The following CDH10 variants were observed in gnomAD, a reference collection of about 807,000 sequenced individuals.
CDH10 encodes cadherin-10.
In CDH10, 30 loss-of-function variants were observed where a neutral mutation model predicts 73.1. The observed-to-expected ratio is 0.41, with a 90% CI of 0.31 to 0.56. The LOEUF is 0.56. Among genes scored for constraint, CDH10 ranks in the 20% least tolerant of loss-of-function variants. The pLI is 0.27. For missense variants in CDH10, 815 were observed against 973.7 expected, an observed-to-expected ratio of 0.84 and a Z score of 2.17; for synonymous variants, 345 against 348.2, an observed-to-expected ratio of 0.99 and a Z score of 0.10.
At chr5:24,511,535 AAGAGAGAGACAGAGAGAGAG>A in intron 5 of CDH10, 21 bp from the exon 6 acceptor site, 1 of 845,528 alleles carries the variant, frequency 1.2e-6, no homozygotes, top group Non-Finnish European at 1.9e-6. Flanking sequence ...TAAAGAAAAG[AAGAGAGAGACAGAGAGAGAG>A]AGAGAGAGAG....
At chr5:24,548,269 A>G (rs1744412964) in intron 2 of CDH10, among the ~76,000 whole-genome samples, 1 of 151,962 alleles carries the variant, frequency 6.6e-6, no homozygotes, top group South Asian at 2.1e-4. Flanking sequence ...CTGGGATTAC[A>G]GGCACCTGCC....
At chr5:24,614,980 G>A (rs1222319056) in intron 1 of CDH10, among the ~76,000 whole-genome samples, 1 of 152,144 alleles carries the variant, frequency 6.6e-6, no homozygotes, top group African/African-American at 2.4e-5. Context: ...TCAAGCACCA[G>A]GAGCATCTAC....
chr5:24,556,505 A>C (rs2111972481), intron 2 of CDH10, among the ~76,000 whole-genome samples: 1 of 152,010 alleles, frequency 6.6e-6, no homozygotes, highest in African/African-American at 2.4e-5. Flanking sequence ...AAAATATTTT[A>C]AACATTTTTT....
intron 2 of CDH10, among the ~76,000 whole-genome samples, chr5:24,552,651 T>C (rs1744589795): frequency 6.6e-6 from 1 of 152,124 alleles, no homozygotes; most frequent in African/African-American, 2.4e-5. Flanking sequence ...AGAACTGATA[T>C]TAGTTCTATT....
intron 2 of CDH10, among the ~76,000 whole-genome samples, chr5:24,557,697 A>G (rs2111976365): frequency 6.6e-6 from 1 of 151,944 alleles, no homozygotes; most frequent in East Asian, 1.9e-4. Flanking sequence ...ACCAGTAAGC[A>G]TCTGTGTCTA....
At chr5:24,545,565 G>T (rs1035930434) in intron 2 of CDH10, among the ~76,000 whole-genome samples, 1 of 151,982 alleles carries the variant, frequency 6.6e-6, no homozygotes, top group African/African-American at 2.4e-5. Flanking sequence ...CTATAATCTC[G>T]GTGCTTTGGG....
intron 5 of CDH10, among the ~76,000 whole-genome samples, chr5:24,518,883 A>ATT (rs1218178947): frequency 1.3e-5 from 1 of 78,998 alleles, no homozygotes; most frequent in African/African-American, 4.4e-5. Context: ...TGACATGTGC[A>ATT]CTTTTTTTTT....
At chr5:24,591,152 TTA>T (rs1374316279) in intron 2 of CDH10, among the ~76,000 whole-genome samples, 2 of 152,094 alleles carry the variant, frequency 1.3e-5, no homozygotes, top group Admixed American at 6.6e-5. Flanking sequence ...ATGTGTATGT[TTA>T]TCTCTTAAAT....
At chr5:24,499,120 T>C (rs1205477697) in intron 8 of CDH10, among the ~76,000 whole-genome samples, 3 of 152,200 alleles carry the variant, frequency 2.0e-5, no homozygotes, top group Admixed American at 1.3e-4. Context: ...ATCACCAAAA[T>C]GTATTTCAAC....
intron 2 of CDH10, among the ~76,000 whole-genome samples, chr5:24,560,498 G>A (rs1255989271): frequency 1.3e-5 from 2 of 151,680 alleles, no homozygotes; most frequent in African/African-American, 4.8e-5. Context: ...TTTCATTGAG[G>A]TGTGCCCTAA....
intron 2 of CDH10, 117 bp downstream of exon 2, chr5:24,593,143 T>C (rs1746256051): frequency 8.0e-6 from 5 of 626,850 alleles, no homozygotes; most frequent in Non-Finnish European, 1.1e-5. Context: ...CAAAAATCCT[T>C]TAGGGAGATT....
chr5:24,562,634 T>A (rs981272490), intron 2 of CDH10, among the ~76,000 whole-genome samples: 7 of 152,138 alleles, frequency 4.6e-5, no homozygotes, highest in African/African-American at 1.7e-4. Flanking sequence ...CTACAAAAAT[T>A]TCTGTAGTTA....
chr5:24,607,036 C>T (rs1746785062), intron 1 of CDH10, among the ~76,000 whole-genome samples: 1 of 152,098 alleles, frequency 6.6e-6, no homozygotes, highest in African/African-American at 2.4e-5. Context: ...TTTTTAATCT[C>T]TATAACCTCA....
chr5:24,578,224 C>A (rs1745671167), intron 2 of CDH10: 1 of 177,442 alleles, frequency 5.6e-6, no homozygotes, highest in Non-Finnish European at 1.3e-5. Flanking sequence ...TTTTCACAAG[C>A]TTTATTATTT....
At chr5:24,490,911 T>C (rs1451490015) in intron 11 of CDH10, among the ~76,000 whole-genome samples, 1 of 152,190 alleles carries the variant, frequency 6.6e-6, no homozygotes, top group Non-Finnish European at 1.5e-5. Context: ...AACTTAACCT[T>C]TGTCTTTGTT....
chr5:24,534,967 C>G, intron 5 of CDH10, 145 bp downstream of exon 5: 3 of 703,668 alleles, frequency 4.3e-6, no homozygotes, highest in Non-Finnish European at 6.9e-6. Context: ...AGCATGTACA[C>G]CTTTTGTTTA....
intron 3 of CDH10, among the ~76,000 whole-genome samples, chr5:24,536,786 G>C (rs1743969141): frequency 6.6e-6 from 1 of 151,792 alleles, no homozygotes; most frequent in Non-Finnish European, 1.5e-5. Context: ...TTCTGTATCA[G>C]TATGTATTTA....
intron 1 of CDH10, among the ~76,000 whole-genome samples, chr5:24,605,656 G>A (rs1037098187): frequency 6.6e-6 from 1 of 152,184 alleles, no homozygotes; most frequent in African/African-American, 2.4e-5. Context: ...AAACAAATTT[G>A]TGGTTCTTAA....
At position 24,627,533 on chromosome 5, in the gene CDH10, A is replaced by G. The variant is rs149856180; in HGVS notation, c.-124+17061T>C. 2.0e-3 allele frequency among the ~76,000 whole-genome samples: 304 copies of G among 152,236 alleles called. 1 individual carries two copies. The highest frequency in any genetic ancestry group is 6.9e-3 in the African/African-American group (286 of 41,538). ...TTACGAATGGAGGAGCAGGGACCAT[A>G]TTATAAGAGTTTCATTCTGGCTCTC... On this transcript the variant is annotated intron_variant, in intron 1 of 11. Coordinates refer to ENST00000264463, the MANE Select transcript of CDH10 (RefSeq NM_006727.5).
Sources: gnomAD v4.1 joint callset for allele counts (sites outside exome capture counted in the v4.1 genomes callset) on GRCh38, gnomAD v4.1.1 for gene constraint, MANE v1.5 for transcripts, NCBI Gene and HGNC (gene_info 2026-07-23, HGNC 2026-07-21) for gene names.